CAPNS1: variants seen among roughly 807,000 people sequenced by gnomAD.
CAPNS1 encodes the protein calpain small subunit 1.
A neutral mutation model predicts 39.2 loss-of-function variants in CAPNS1; 32 were observed. The observed-to-expected ratio is 0.82, with a 90% CI of 0.62 to 1.10. The LOEUF (loss-of-function observed/expected upper bound fraction) is 1.10, where lower values mean the gene tolerates loss of function less well. CAPNS1 is among the 50% of genes least tolerant of loss of function. CAPNS1 has a pLI of 0.00. For missense variants in CAPNS1, 353 were observed against 373.1 expected (o/e 0.95, Z 0.44); for synonymous variants, 153 against 136.2 (o/e 1.12, Z -0.86).
At position 36,149,857 on chromosome 19, in the gene CAPNS1, G is replaced by T. The variant is rs200464197; in HGVS notation, c.*18G>T. Reference sequence around the variant, plus strand: ...ATTCCTGAACTGGAGCCCCAGACCCGCCCCCTCACTGCCTTGCTATAGGAG... The same window carrying T: ...ATTCCTGAACTGGAGCCCCAGACCCTCCCCCTCACTGCCTTGCTATAGGAG... On this transcript the variant is annotated 3_prime_UTR_variant, in exon 11 of 11. Transcript: ENST00000246533. 9 of 1,440,554 alleles carry T rather than the reference G, an allele frequency of 6.2e-6. No individual in the cohort carries two copies. In the South Asian group the frequency reaches 1.4e-4, roughly 22 times the overall value. The allele number at this position is 1,440,554 out of a possible 1,614,324, so 89.2% of individuals were successfully genotyped here. A position where few individuals can be genotyped will look rare whatever the true frequency, so the allele number is the denominator to read the frequency against.
rs1011294316 is a variant in CAPNS1 at position 36,149,746 on chromosome 19, G to C, written c.781-67G>C. 4 of 1,590,328 alleles carry C rather than the reference G, an allele frequency of 2.5e-6. No individual in the cohort carries two copies. In the African/African-American group the frequency reaches 5.4e-5, roughly 21 times the overall value. ...TCCTCCTATTTTGCCAGCCGTCCCTGGGTGAGGGCAAAGGGGCTGGTGCTC... is the reference window on the plus strand; with the variant it reads ...TCCTCCTATTTTGCCAGCCGTCCCTCGGTGAGGGCAAAGGGGCTGGTGCTC... On this transcript the variant is annotated intron_variant, in intron 10 of 10. Transcript: ENST00000246533.
chr19:36,141,534 G>T (rs567322725), intron 2 of CAPNS1: 2 of 1,193,928 alleles, frequency 1.7e-6, no homozygotes, highest in South Asian at 3.6e-5. Context: ...GGCTCAGCCT[G>T]CATTGGCTAA....
intron 9 of CAPNS1, among the ~76,000 whole-genome samples, chr19:36,147,548 C>T (rs1171431472): frequency 6.6e-6 from 1 of 151,954 alleles, no homozygotes; most frequent in Non-Finnish European, 1.5e-5. Context: ...GGGCGGATCA[C>T]GAGGTCAGGA....
chr19:36,147,509 G>A (rs1489738355), intron 9 of CAPNS1, among the ~76,000 whole-genome samples: 3 of 152,212 alleles, frequency 2.0e-5, no homozygotes, highest in African/African-American at 7.2e-5. Context: ...GCTCACGCCT[G>A]TAATCCCAGC....
chr19:36,144,644 A>T (rs901389665), intron 6 of CAPNS1, among the ~76,000 whole-genome samples: 1 of 152,252 alleles, frequency 6.6e-6, no homozygotes, highest in Non-Finnish European at 1.5e-5. Context: ...TTGGCCTCCC[A>T]AAGTGTTGGG....
chr19:36,148,748 G>A (rs1974667308), intron 9 of CAPNS1, among the ~76,000 whole-genome samples: 1 of 152,072 alleles, frequency 6.6e-6, no homozygotes, highest in Non-Finnish European at 1.5e-5. Flanking sequence ...GGGAGGCAAA[G>A]GTTGCAGTGA....
chr19:36,148,134 G>C (rs1974640020), intron 9 of CAPNS1: 3 of 152,052 alleles, frequency 2.0e-5, no homozygotes, highest in Non-Finnish European at 4.4e-5. Context: ...CACAATGCAT[G>C]AAAAGTAACA....
Position 36,150,023 on chromosome 19 carries a change from G to GGGGA in CAPNS1, c.*184_*185insGGGA. The GGGGA allele has an allele frequency of 2.0e-6, 1 of 491,904 alleles. No individual in the cohort carries two copies. The highest frequency in any genetic ancestry group is 3.4e-6 in the Non-Finnish European group (1 of 297,252). 30.5% of individuals were successfully genotyped at this position (491,904 alleles called of 1,614,324 possible). ...TCCAGGGCCCAATTTGCCCTGCCTG[G>GGGGA]AGTTCCCCCTGGCTCTAGGACACTC... is the stretch of plus-strand genomic sequence containing the variant. On this transcript the variant is annotated 3_prime_UTR_variant, in exon 11 of 11. Transcript: ENST00000246533.
rs1473160430 is a variant in CAPNS1 at position 36,146,189 on chromosome 19, A to G, written c.605-7A>G. On this transcript the variant is annotated splice_region_variant and splice_polypyrimidine_tract_variant and intron_variant, in intron 8 of 10. Coordinates refer to ENST00000246533, the MANE Select transcript of CAPNS1 (RefSeq NM_001749.4). ...CCCCCGCACCTGAAGGACTACATCC[A>G]TCTTAGGGTTCCACCTGAATGAGCA... The G allele has an allele frequency of 6.2e-7, 1 of 1,606,510 alleles. No individual in the cohort carries two copies. Among genetic ancestry groups the G allele is most frequent in the East Asian group, 2.2e-5 (1 of 44,852 alleles).
intron 3 of CAPNS1, 23 bp downstream of exon 3, chr19:36,142,356 C>A (rs1479379199): frequency 5.0e-6 from 7 of 1,389,148 alleles, no homozygotes; most frequent in South Asian, 1.3e-5. Context: ...TGCAACCAGA[C>A]CCCCTTCTCC....
chr19:36,141,284 C>G lies in CAPNS1; in HGVS notation c.209+64C>G, dbSNP rs560511526. The G allele has an allele frequency of 1.2e-5, 17 of 1,460,206 alleles. No homozygotes were observed. The East Asian group carries it at 4.3e-4, about 37-fold the overall frequency. The allele number at this position is 1,460,206 out of a possible 1,614,324, so 90.5% of individuals were successfully genotyped here. A position where few individuals can be genotyped will look rare whatever the true frequency, so the allele number is the denominator to read the frequency against. ...GGGAGGAGCCTCAGTGAGGCGTGGT[C>G]TGGGAGGGGCGTGGTCTAAAAATAG... On this transcript the variant is annotated intron_variant, in intron 2 of 10. Coordinates refer to ENST00000246533, the MANE Select transcript of CAPNS1 (RefSeq NM_001749.4).
intron 2 of CAPNS1, among the ~76,000 whole-genome samples, chr19:36,141,976 T>G (rs974276871): frequency 2.0e-5 from 3 of 152,082 alleles, no homozygotes; most frequent in Non-Finnish European, 2.9e-5. Flanking sequence ...GGTCTTTTGA[T>G]TCTACGTGGG....
chr19:36,144,729 A>T (rs1220656879), intron 6 of CAPNS1, among the ~76,000 whole-genome samples: 3 of 152,172 alleles, frequency 2.0e-5, no homozygotes, highest in Non-Finnish European at 4.4e-5. Flanking sequence ...TACATAATAT[A>T]CATGTCATGT....
chr19:36,147,029 A>G (rs1974593323), intron 9 of CAPNS1, among the ~76,000 whole-genome samples: 1 of 151,972 alleles, frequency 6.6e-6, no homozygotes, highest in Non-Finnish European at 1.5e-5. Flanking sequence ...AATTTTTTGT[A>G]GAGACAGGGT....
intron 9 of CAPNS1, chr19:36,148,339 CA>C (rs10712025): frequency 0.44 from 60,810 of 137,706 alleles, 12,908 homozygotes; most frequent in East Asian, 0.69. Context: ...TCCATCTCTA[CA>C]AAAAAAAAAA....
At chr19:36,147,101 C>T (rs1478234959) in intron 9 of CAPNS1, among the ~76,000 whole-genome samples, 1 of 152,240 alleles carries the variant, frequency 6.6e-6, no homozygotes, top group Non-Finnish European at 1.5e-5. Context: ...CTACCTCAGC[C>T]TCCCAAAGCT....
chr19:36,142,278 C>T (rs1974401099), intron 2 of CAPNS1, 22 bp from the exon 3 acceptor site: 1 of 1,575,404 alleles, frequency 6.3e-7, no homozygotes, highest in East Asian at 2.2e-5. Flanking sequence ...GGCACTAACC[C>T]CTCCCCCTTA....
rs1297948943 is a variant in CAPNS1, at chr19:36,143,127, A to G, written c.455A>G (p.Asp152Gly). 5.6e-6 allele frequency: 9 copies of G among 1,613,780 alleles called. No homozygotes were observed. The highest frequency in any genetic ancestry group is 7.6e-6 in the Non-Finnish European group (9 of 1,179,898). ...DTCRSMVAVM[D>G]SDTTGKLGFE... ...TGTCGCAGCATGGTGGCCGTGATGG[A>G]TGTATCCTTGGGGGCAGTGTGGGAG... Residue 152 changes from aspartate to glycine, a missense_variant and splice_region_variant, in exon 6 of 11, where the codon GAT becomes GGT. Coordinates refer to ENST00000246533, the MANE Select transcript of CAPNS1 (RefSeq NM_001749.4).
chr19:36,146,330 T>A lies in CAPNS1; in HGVS notation c.721+18T>A. On this transcript the variant is annotated intron_variant, in intron 9 of 10. Coordinates refer to ENST00000246533, the MANE Select transcript of CAPNS1 (RefSeq NM_001749.4). ...CATGTTCCGTGAGTGACAACCCAGC[T>A]GTCTTCCTGGGTGGGGATTCCTATG... The A allele has an allele frequency of 6.5e-7, 1 of 1,530,554 alleles. No individual in the cohort carries two copies. Among genetic ancestry groups the A allele is most frequent in the South Asian group, 1.1e-5 (1 of 89,142 alleles). 94.8% of individuals were successfully genotyped at this position (1,530,554 alleles called of 1,614,324 possible).
Sources: gnomAD v4.1 joint callset for allele counts (sites outside exome capture counted in the v4.1 genomes callset) on GRCh38, gnomAD v4.1.1 for gene constraint, MANE v1.5 for transcripts, NCBI Gene and HGNC (gene_info 2026-07-23, HGNC 2026-07-21) for gene names.